The following CA5B variants were observed in gnomAD, a reference collection of about 807,000 sequenced individuals.
CA5B encodes the protein carbonic anhydrase 5B.
CA5B carries 15 observed loss-of-function variants against 23.1 expected under a neutral mutation model. That is an observed-to-expected ratio of 0.65 (90% confidence interval 0.43 to 1.00). CA5B has a LOEUF of 1.00. CA5B is among the 50% of genes least tolerant of loss of function. The pLI, the probability that CA5B is intolerant of heterozygous loss-of-function variation, is 0.00. For missense variants in CA5B, 236 were observed against 252.2 expected, an observed-to-expected ratio of 0.94 and a Z score of 0.43; for synonymous variants, 84 against 98.5, an observed-to-expected ratio of 0.85 and a Z score of 0.87.
At position 15,782,777 on chromosome X, in the gene CA5B, A is replaced by G. The variant is rs1932049003; in HGVS notation, c.*113A>G. 1.8e-6 allele frequency: 1 copy of G among 564,377 alleles called. No individual in the cohort carries two copies. Among genetic ancestry groups the G allele is most frequent in the African/African-American group, 2.3e-5 (1 of 42,706 alleles). 46.5% of individuals were successfully genotyped at this position (564,377 alleles called of 1,213,427 possible). Reference sequence around the variant, plus strand: ...CATTTGATAATATTTACAGATGTGCATTTCTTAGCATGAGAGTGCTTCATC... The same window carrying G: ...CATTTGATAATATTTACAGATGTGCGTTTCTTAGCATGAGAGTGCTTCATC... On this transcript the variant is annotated 3_prime_UTR_variant, in exon 8 of 8. Coordinates refer to ENST00000318636, the MANE Select transcript of CA5B (RefSeq NM_007220.4).
chrX:15,776,889 T>C lies in CA5B; in HGVS notation c.774+20T>C. The C allele has an allele frequency of 1.7e-6, 2 of 1,185,484 alleles. No individual in the cohort carries two copies. Among genetic ancestry groups the C allele is most frequent in the South Asian group, 3.6e-5 (2 of 55,755 alleles). ...GATCAGGTATGTTCTCTCCATAATT[T>C]CAATCTAAGGAAATCCTTGTCTGCC... On this transcript the variant is annotated intron_variant, in intron 7 of 7. Coordinates refer to ENST00000318636, the MANE Select transcript of CA5B (RefSeq NM_007220.4).
rs370364024 is a variant in CA5B at position 15,783,485 on chromosome X, G to T, written c.*821G>T. 9.0e-6 allele frequency: 1 copy of T among 111,568 alleles called. No homozygotes were observed. The highest frequency in any genetic ancestry group is 3.3e-5 in the African/African-American group (1 of 30,654). The allele number at this position is 111,568 out of a possible 1,213,427, so 9.2% of individuals were successfully genotyped here. A position where few individuals can be genotyped will look rare whatever the true frequency, so the allele number is the denominator to read the frequency against. On this transcript the variant is annotated 3_prime_UTR_variant, in exon 8 of 8. Transcript: ENST00000318636. ...AGGTCTGATCATATAGGAAATATATGCAGAACATTTTAAAGAAAATGCCTG... is the reference window on the plus strand; with the variant it reads ...AGGTCTGATCATATAGGAAATATATTCAGAACATTTTAAAGAAAATGCCTG...
intron 7 of CA5B, among the ~76,000 whole-genome samples, chrX:15,778,924 C>A (rs1200157500): frequency 9.1e-6 from 1 of 110,396 alleles, no homozygotes; most frequent in African/African-American, 3.3e-5. Context: ...CAGGGCCAAA[C>A]CACACCAGAT....
At position 15,785,170 on chromosome X, in the gene CA5B, A is replaced by G. The variant is rs1051045921; in HGVS notation, c.*2506A>G. ...CCAAATAACTGAAAACAGAATTACCATAAGAATTACCACCAAAGCGGGATC... is the reference window on the plus strand; with the variant it reads ...CCAAATAACTGAAAACAGAATTACCGTAAGAATTACCACCAAAGCGGGATC... On this transcript the variant is annotated 3_prime_UTR_variant, in exon 8 of 8. Coordinates refer to ENST00000318636, the MANE Select transcript of CA5B (RefSeq NM_007220.4). 2.7e-5 allele frequency: 3 copies of G among 112,232 alleles called. No homozygotes were observed. Among genetic ancestry groups the G allele is most frequent in the Admixed American group, 9.5e-5 (1 of 10,540 alleles). The allele number at this position is 112,232 out of a possible 1,213,427, so 9.2% of individuals were successfully genotyped here.
intron 3 of CA5B, among the ~76,000 whole-genome samples, chrX:15,767,334 A>G (rs1931727897): frequency 1.8e-5 from 2 of 112,152 alleles, no homozygotes; most frequent in Admixed American, 9.5e-5. Context: ...CTTGAGCCCA[A>G]GAACTTTCAG....
chrX:15,772,662 T>C lies in CA5B; in HGVS notation c.459+48T>C, dbSNP rs770555655. On this transcript the variant is annotated intron_variant, in intron 4 of 7. Transcript: ENST00000318636. ...AGTGACAACTGTAGAGAAGTGGGGATAATTCTGAACTTTTAGTTGTAAGAC... is the reference window on the plus strand; with the variant it reads ...AGTGACAACTGTAGAGAAGTGGGGACAATTCTGAACTTTTAGTTGTAAGAC... 69 of 740,272 alleles carry C rather than the reference T, an allele frequency of 9.3e-5. No homozygotes were observed. In the South Asian group the frequency reaches 1.9e-3, roughly 20 times the overall value. 61.0% of individuals were successfully genotyped at this position (740,272 alleles called of 1,213,427 possible).
intron 7 of CA5B, among the ~76,000 whole-genome samples, chrX:15,782,243 G>A (rs922679845): frequency 3.6e-5 from 4 of 112,052 alleles, no homozygotes; most frequent in African/African-American, 1.3e-4. Context: ...GATCCCAAGT[G>A]CCCTCCTGGT....
At chrX:15,761,402 G>A (rs139880469) in intron 2 of CA5B, among the ~76,000 whole-genome samples, 1,632 of 111,880 alleles carry the variant, frequency 0.015, 26 homozygotes, top group African/African-American at 0.05. Flanking sequence ...CAAGGAATTT[G>A]CATTCTAATT....
Position 15,784,322 on chromosome X carries a change from T to A in CA5B, c.*1658T>A, listed in dbSNP as rs1286350926. 2.7e-5 allele frequency: 3 copies of A among 112,964 alleles called. 1 individual carries two copies. The highest frequency in any genetic ancestry group is 3.2e-5 in the African/African-American group (1 of 31,144). The allele number at this position is 112,964 out of a possible 1,213,427, so 9.3% of individuals were successfully genotyped here. On this transcript the variant is annotated 3_prime_UTR_variant, in exon 8 of 8. Transcript: ENST00000318636. The stretch of plus-strand genomic sequence containing the variant: ...AGTGAAAGAGCTATCCCGTCTTCCC[T>A]TTACAACTGTCTGAACTTTATTTAC...
intron 2 of CA5B, among the ~76,000 whole-genome samples, chrX:15,753,197 T>C (rs1033340155): frequency 9.8e-5 from 11 of 112,525 alleles, no homozygotes; most frequent in African/African-American, 3.5e-4. Flanking sequence ...AATAAATCTC[T>C]TCAAATATTT....
intron 2 of CA5B, among the ~76,000 whole-genome samples, chrX:15,756,132 G>A (rs1353934753): frequency 1.8e-5 from 2 of 111,529 alleles, no homozygotes; most frequent in African/African-American, 6.5e-5. Context: ...GTCAGAGAAG[G>A]GGCTTGAACT....
At chrX:15,743,493 T>C (rs960468605) in intron 1 of CA5B, among the ~76,000 whole-genome samples, 3 of 112,230 alleles carry the variant, frequency 2.7e-5, no homozygotes, top group African/African-American at 9.7e-5. Flanking sequence ...CCATGTTTCA[T>C]ACTTAATAGA....
chrX:15,771,200 T>G (rs1225174513), intron 3 of CA5B, among the ~76,000 whole-genome samples: 1 of 48,023 alleles, frequency 2.1e-5, no homozygotes, highest in African/African-American at 8.8e-5. Context: ...AAACCTCATC[T>G]CTACAAAAAA....
intron 2 of CA5B, among the ~76,000 whole-genome samples, chrX:15,764,021 C>T (rs1200494511): frequency 9.0e-6 from 1 of 111,689 alleles, no homozygotes; most frequent in African/African-American, 3.3e-5. Context: ...TACCTGCCCA[C>T]ATTAAGGGCA....
At chrX:15,771,733 C>T (rs898051834) in intron 3 of CA5B, among the ~76,000 whole-genome samples, 1 of 109,876 alleles carries the variant, frequency 9.1e-6, no homozygotes, top group Non-Finnish European at 1.9e-5. Flanking sequence ...CCACCAGGCC[C>T]GGCCAGTGTG....
intron 1 of CA5B, among the ~76,000 whole-genome samples, chrX:15,748,798 C>G (rs1931296340): frequency 9.3e-6 from 1 of 107,189 alleles, no homozygotes; most frequent in African/African-American, 3.4e-5. Flanking sequence ...CCTGTAATCC[C>G]AGCACTTTGG....
At position 15,759,195 on chromosome X, in the gene CA5B, C is replaced by T. The variant is rs778497749; in HGVS notation, c.143-5383C>T. ...GGGACTAAGGCAGGAATGAGCTTTC[C>T]GTGTTTCAAGGGCTGAAAGAAGGAC... On this transcript the variant is annotated intron_variant, in intron 2 of 7. Coordinates refer to ENST00000318636, the MANE Select transcript of CA5B (RefSeq NM_007220.4). Among the ~76,000 whole-genome samples the T allele has an allele frequency of 4.5e-5, 5 of 111,174 alleles. No homozygotes were observed. The East Asian group carries it at 1.1e-3, about 25-fold the overall frequency.
chrX:15,753,948 G>T (rs913510582), intron 2 of CA5B, among the ~76,000 whole-genome samples: 1 of 112,371 alleles, frequency 8.9e-6, no homozygotes, highest in African/African-American at 3.2e-5. Flanking sequence ...AAAATACTTT[G>T]ATTTCTTTCA....
intron 2 of CA5B, chrX:15,763,001 C>A (rs1931635900): frequency 3.3e-6 from 1 of 299,084 alleles, no homozygotes; most frequent in African/African-American, 2.7e-5. Flanking sequence ...TCTTCAGTGC[C>A]TGTGGAGGAT....
Sources: allele counts gnomAD v4.1 joint callset (sites outside exome capture counted in the v4.1 genomes callset), GRCh38; gene constraint gnomAD v4.1.1; transcripts MANE v1.5; gene names NCBI Gene and HGNC (gene_info 2026-07-23, HGNC 2026-07-21).